TENM1: variants seen among roughly 807,000 people sequenced by gnomAD.
TENM1 encodes the protein teneurin transmembrane protein 1, also known as teneurin-1.
Under a neutral mutation model 174.8 loss-of-function variants are expected in TENM1, and 35 were observed. That is an observed-to-expected ratio of 0.20 (90% CI 0.15 to 0.27). The LOEUF (loss-of-function observed/expected upper bound fraction) is 0.27. Ranked by LOEUF, TENM1 falls within the 10% of genes least tolerant of loss-of-function variation. The pLI, the probability that TENM1 is intolerant of heterozygous loss-of-function variation, is 1.00. For missense variants in TENM1, 1,633 were observed against 2,130.1 expected (o/e 0.77, Z 4.59); for synonymous variants, 781 against 798.7 (o/e 0.98, Z 0.37).
chrX:125,027,973 A>G, the TENM1 span, among the ~76,000 whole-genome samples: 21 of 111,873 alleles, frequency 1.9e-4, no homozygotes, highest in Admixed American at 4.8e-4. Context: ...CTAAATGTCG[A>G]TACGGATATA....
intron 16 of TENM1, among the ~76,000 whole-genome samples, chrX:124,525,440 G>A (rs1602597937): frequency 8.9e-6 from 1 of 111,739 alleles, no homozygotes; most frequent in East Asian, 2.8e-4. Flanking sequence ...CCTTCTATGT[G>A]GATTTAAGTA....
intron 4 of TENM1, among the ~76,000 whole-genome samples, chrX:124,711,296 A>G (rs1206727261): frequency 8.9e-6 from 1 of 112,040 alleles, no homozygotes; most frequent in Non-Finnish European, 1.9e-5. Context: ...TCTATAAAAA[A>G]GGGGAAAATG....
chrX:124,462,302 G>A (rs1713695309), intron 22 of TENM1, among the ~76,000 whole-genome samples: 1 of 110,255 alleles, frequency 9.1e-6, no homozygotes, highest in Admixed American at 9.7e-5. Flanking sequence ...GATGGAAGAA[G>A]GCTGGTTCCT....
At chrX:125,089,733 G>C in the TENM1 span, among the ~76,000 whole-genome samples, 1 of 111,604 alleles carries the variant, frequency 9.0e-6, no homozygotes, top group Non-Finnish European at 1.9e-5. Context: ...GGAGTAAGTT[G>C]AATCAACCTC....
chrX:125,177,625 G>A, the TENM1 span, among the ~76,000 whole-genome samples: 3 of 111,935 alleles, frequency 2.7e-5, no homozygotes, highest in Non-Finnish European at 5.7e-5. Flanking sequence ...GTGAAATGGA[G>A]GTCTGTGAAA....
rs961398268 is a variant in TENM1 at position 124,382,938 on chromosome X, C to T, written c.7298-126G>A. 1.0e-3 allele frequency: 141 copies of T among 139,967 alleles called. 1 individual carries two copies. Among genetic ancestry groups the T allele is most frequent in the South Asian group, 2.6e-3 (8 of 3,088 alleles). 11.5% of individuals were successfully genotyped at this position (139,967 alleles called of 1,213,427 possible). ...GCAATAGAAGTTAGGAATAAAACTC[C>T]TATTTATTTATTTATTTATTTATTT... is the stretch of plus-strand genomic sequence containing the variant. On this transcript the variant is annotated intron_variant, in intron 30 of 31. Transcript: ENST00000422452.
chrX:124,673,845 C>A (rs1284545015), intron 5 of TENM1, among the ~76,000 whole-genome samples: 1 of 111,082 alleles, frequency 9.0e-6, no homozygotes, highest in African/African-American at 3.3e-5. Context: ...GGGAGGAATC[C>A]AAAATGGTTA....
chrX:124,712,639 G>A, intron 4 of TENM1, among the ~76,000 whole-genome samples: 1 of 109,956 alleles, frequency 9.1e-6, no homozygotes, highest in Non-Finnish European at 1.9e-5. Flanking sequence ...TTGCCACCAT[G>A]CCCAGCTAAT....
At chrX:124,477,888 G>C (rs1281096487) in intron 22 of TENM1, among the ~76,000 whole-genome samples, 1 of 109,464 alleles carries the variant, frequency 9.1e-6, no homozygotes, top group African/African-American at 3.5e-5. Context: ...TTTATTTTAG[G>C]TTCAGTGGTA....
intron 16 of TENM1, 37 bp from the exon 20 acceptor site, chrX:124,523,662 G>T: frequency 8.5e-7 from 1 of 1,177,329 alleles, no homozygotes. Context: ...GCAATCAAAT[G>T]AAAAATTAAA....
chrX:124,595,665 T>C (rs1347932578), intron 11 of TENM1, among the ~76,000 whole-genome samples: 7 of 112,103 alleles, frequency 6.2e-5, no homozygotes, highest in African/African-American at 2.3e-4. Flanking sequence ...AAAACTCTTA[T>C]TTAGGTTTTA....
At chrX:124,568,442 A>T (rs747883032) in intron 11 of TENM1, among the ~76,000 whole-genome samples, 3 of 111,821 alleles carry the variant, frequency 2.7e-5, no homozygotes, top group African/African-American at 9.7e-5. Context: ...ATAATAATAA[A>T]AAATCTGGAG....
At chrX:124,776,887 A>C (rs1246985100) in intron 3 of TENM1, among the ~76,000 whole-genome samples, 1 of 111,261 alleles carries the variant, frequency 9.0e-6, no homozygotes, top group African/African-American at 3.3e-5. Context: ...GAAGAGAGGG[A>C]TCCAAGCAAG....
At chrX:124,565,661 ATATTT>A (rs2048925158) in intron 11 of TENM1, 101 bp from the exon 15 acceptor site, 1 of 530,832 alleles carries the variant, frequency 1.9e-6, no homozygotes, top group Non-Finnish European at 2.7e-6. Context: ...GTCTATATTT[ATATTT>A]TATTTATTTA....
chrX:124,718,141 T>C (rs938847350), intron 4 of TENM1, among the ~76,000 whole-genome samples: 5 of 111,802 alleles, frequency 4.5e-5, no homozygotes, highest in African/African-American at 1.6e-4. Context: ...AAGAACAATA[T>C]CAGAAGAGCT....
chrX:125,035,287 C>T, the TENM1 span, among the ~76,000 whole-genome samples: 1 of 111,426 alleles, frequency 9.0e-6, no homozygotes. Flanking sequence ...TCCATTATGA[C>T]TCAAATGCAG....
rs142906453 is a variant in TENM1 at position 124,875,475 on chromosome X, T to C, written c.535+18821A>G. Reference sequence around the variant, plus strand: ...AAAATAATAAAATTATACCTCATTTTTCTAATTTTATTCCTCTTCTATTTT... The same window carrying C: ...AAAATAATAAAATTATACCTCATTTCTCTAATTTTATTCCTCTTCTATTTT... On this transcript the variant is annotated intron_variant, in intron 3 of 31. Transcript: ENST00000422452. Among the ~76,000 whole-genome samples, 837 of 110,060 alleles carry C rather than the reference T, an allele frequency of 7.6e-3. 9 individuals carry two copies. Among genetic ancestry groups the C allele is most frequent in the African/African-American group, 0.027 (802 of 30,210 alleles).
intron 3 of TENM1, among the ~76,000 whole-genome samples, chrX:124,872,775 C>A (rs1472044567): frequency 8.9e-6 from 1 of 111,766 alleles, no homozygotes; most frequent in Non-Finnish European, 1.9e-5. Flanking sequence ...CACTAGATAA[C>A]AATACTTCCA....
chrX:124,710,121 G>A (rs768693882), intron 4 of TENM1, among the ~76,000 whole-genome samples: 15 of 111,032 alleles, frequency 1.4e-4, no homozygotes, highest in Non-Finnish European at 1.9e-5. Context: ...TTTAATGTCT[G>A]CTTAACTCTC....
Sources: allele counts gnomAD v4.1 joint callset (sites outside exome capture counted in the v4.1 genomes callset), GRCh38; gene constraint gnomAD v4.1.1; transcripts MANE v1.5; gene names NCBI Gene and HGNC (gene_info 2026-07-23, HGNC 2026-07-21).